NMS: variants seen among roughly 807,000 people sequenced by gnomAD.
The protein encoded by NMS is neuromedin-S.
In NMS, 30 loss-of-function variants were observed where a neutral mutation model predicts 32.2. That is an observed-to-expected ratio of 0.93 (90% CI 0.70 to 1.26). The LOEUF is 1.26. Among genes scored for constraint, NMS ranks in the 50% most tolerant of loss-of-function variants. The probability of loss-of-function intolerance (pLI) is 0.00; values close to 1 mark genes in which losing one functional copy is unlikely to be tolerated. For synonymous variants in NMS, 76 were observed against 58.5 expected (o/e 1.30, Z -1.37); for missense variants, 190 against 186.3 (o/e 1.02, Z -0.12).
intron 6 of NMS, among the ~76,000 whole-genome samples, chr2:100,479,662 G>A (rs1035114458): frequency 1.3e-5 from 2 of 152,190 alleles, no homozygotes; most frequent in Non-Finnish European, 2.9e-5. Context: ...CCATGGCCCA[G>A]CCTGCTTCCA....
chr2:100,471,496 T>C (rs1244180694), intron 1 of NMS, among the ~76,000 whole-genome samples: 2 of 152,186 alleles, frequency 1.3e-5, no homozygotes, highest in African/African-American at 4.8e-5. Context: ...TGACCCCAAC[T>C]CACTGCCAGC....
chr2:100,481,145 G>A lies in NMS; in HGVS notation c.392G>A (p.Gly131Glu). 1 of 1,614,124 alleles carries A rather than the reference G, an allele frequency of 6.2e-7. No individual in the cohort carries two copies. The highest frequency in any genetic ancestry group is 8.5e-7 in the Non-Finnish European group (1 of 1,180,004). The change falls in exon 8 of 10, where the codon GGA becomes GAA. Residue 131 changes from glycine to glutamate, a missense_variant. Coordinates refer to ENST00000376865, the MANE Select transcript of NMS (RefSeq NM_001011717.1). Reference sequence around the variant, plus strand: ...TTGCAGGATCACACTGCGACCTGGGGACGACCCTTTTTCCTTTTCAGGGTA... The same window carrying A: ...TTGCAGGATCACACTGCGACCTGGGAACGACCCTTTTTCCTTTTCAGGGTA... ...FTKKDHTATW[G>E]RPFFLFRPRN...
At chr2:100,483,087 C>G (rs1677250410) in intron 9 of NMS, among the ~76,000 whole-genome samples, 165 bp from the exon 10 acceptor site, 1 of 152,214 alleles carries the variant, frequency 6.6e-6, no homozygotes, top group South Asian at 2.1e-4. Context: ...AGACCAAAAA[C>G]AAATCTTGTA....
At chr2:100,477,532 T>A in intron 5 of NMS, 118 bp downstream of exon 5, 1 of 698,542 alleles carries the variant, frequency 1.4e-6, no homozygotes, top group Non-Finnish European at 2.4e-6. Flanking sequence ...ATCCTCTGGG[T>A]AGTAGCTTCC....
At position 100,479,424 on chromosome 2, in the gene NMS, G is replaced by A; in HGVS notation, c.333G>A (p.Gln111=). The change falls in exon 6 of 10, where the codon CAG becomes CAA. Residue 111 remains glutamine, a synonymous_variant. Transcript: ENST00000376865. ...ACAGGCGGATGAAGAGAATTCTGCA[G>A]CGAGTACGTGCTTTTATTCTTCCAC... is the stretch of plus-strand genomic sequence containing the variant. ...LANRRMKRIL[Q]RGSGTAAVDF... is the part of the protein sequence containing the mutation. The A allele has an allele frequency of 6.2e-7, 1 of 1,609,544 alleles. No homozygotes were observed. The highest frequency in any genetic ancestry group is 8.5e-7 in the Non-Finnish European group (1 of 1,177,816).
intron 1 of NMS, among the ~76,000 whole-genome samples, chr2:100,471,211 A>G: frequency 6.6e-6 from 1 of 152,226 alleles, no homozygotes; most frequent in East Asian, 1.9e-4. Flanking sequence ...CCATCTTCAT[A>G]GGATGCAGGG....
At chr2:100,473,600 C>T in intron 3 of NMS, 61 bp downstream of exon 3, 2 of 552,720 alleles carry the variant, frequency 3.6e-6, no homozygotes, top group Non-Finnish European at 5.4e-6. Context: ...CAAACACACT[C>T]TTTTGCTACC....
intron 2 of NMS, 106 bp downstream of exon 2, chr2:100,472,956 C>T: frequency 1.4e-6 from 1 of 713,798 alleles, no homozygotes; most frequent in Non-Finnish European, 2.3e-6. Flanking sequence ...TTTTTGGCTG[C>T]AGCAGAAACT....
chr2:100,471,240 C>T (rs1198059608), intron 1 of NMS, among the ~76,000 whole-genome samples: 2 of 152,166 alleles, frequency 1.3e-5, no homozygotes, highest in Non-Finnish European at 2.9e-5. Context: ...GGTGGCAGAA[C>T]AACTACGGTT....
intron 3 of NMS, among the ~76,000 whole-genome samples, chr2:100,474,584 T>A (rs944156593): frequency 5.9e-5 from 9 of 152,210 alleles, no homozygotes; most frequent in Non-Finnish European, 1.2e-4. Flanking sequence ...TTGTCATCTG[T>A]AGTATAGGGG....
intron 3 of NMS, among the ~76,000 whole-genome samples, chr2:100,475,104 C>A (rs1344990964): frequency 3.9e-5 from 6 of 152,174 alleles, no homozygotes; most frequent in Non-Finnish European, 7.3e-5. Flanking sequence ...GAATTTCCTT[C>A]CATCTTCTCC....
chr2:100,476,329 ATGT>A (rs1677109004), intron 3 of NMS, among the ~76,000 whole-genome samples: 1 of 152,296 alleles, frequency 6.6e-6, no homozygotes, highest in African/African-American at 2.4e-5. Context: ...ACTACTGGTA[ATGT>A]TGGTGGATTA....
chr2:100,477,664 T>C (rs979754455), intron 5 of NMS, among the ~76,000 whole-genome samples: 2 of 152,100 alleles, frequency 1.3e-5, no homozygotes, highest in African/African-American at 2.4e-5. Context: ...AAGTAGGAAA[T>C]AACCTCTTAT....
At chr2:100,473,611 T>G in intron 3 of NMS, 72 bp downstream of exon 3, 1 of 481,566 alleles carries the variant, frequency 2.1e-6, no homozygotes, top group Non-Finnish European at 3.2e-6. Context: ...TTTTGCTACC[T>G]ACAGGAGAAT....
At position 100,482,407 on chromosome 2, in the gene NMS, C is replaced by T. The variant is rs113607812; in HGVS notation, c.449+96C>T. On this transcript the variant is annotated intron_variant, in intron 9 of 9. Coordinates refer to ENST00000376865, the MANE Select transcript of NMS (RefSeq NM_001011717.1). ...GAGTGAGAGGCAGCCATGGGGAGGA[C>T]CATTGTTCAAGAAATGAGGACCCTT... 60 of 1,184,002 alleles carry T rather than the reference C, an allele frequency of 5.1e-5. No individual in the cohort carries two copies. The African/African-American group carries it at 6.5e-4, about 13-fold the overall frequency. 73.3% of individuals were successfully genotyped at this position (1,184,002 alleles called of 1,614,324 possible).
chr2:100,472,207 A>T (rs146600226), intron 1 of NMS, among the ~76,000 whole-genome samples: 1 of 152,178 alleles, frequency 6.6e-6, no homozygotes, highest in African/African-American at 2.4e-5. Context: ...TATCCAATTG[A>T]TTCTTTCGAC....
chr2:100,477,498 G>A, intron 5 of NMS, 84 bp downstream of exon 5: 2 of 1,030,310 alleles, frequency 1.9e-6, no homozygotes, highest in Non-Finnish European at 2.9e-6. Flanking sequence ...GTGCAGACAA[G>A]TAGAAAAGCT....
In NMS at chr2:100,481,173, G is replaced by C. The variant is rs1267071570; in HGVS notation, c.414+6G>C. ...GACCCTTTTTCCTTTTCAGGGTATA[G>C]CATGTTTTCTCACCTTTGCTTTCTA... On this transcript the variant is annotated splice_donor_region_variant and intron_variant, in intron 8 of 9. Coordinates refer to ENST00000376865, the MANE Select transcript of NMS (RefSeq NM_001011717.1). 6.2e-7 allele frequency: 1 copy of C among 1,614,000 alleles called. No homozygotes were observed. Among genetic ancestry groups the C allele is most frequent in the South Asian group, 1.1e-5 (1 of 91,082 alleles).
At chr2:100,479,543 C>T in intron 6 of NMS, 116 bp downstream of exon 6, 5 of 917,388 alleles carry the variant, frequency 5.5e-6, no homozygotes, top group Non-Finnish European at 8.2e-6. Flanking sequence ...TCTTAGTCTC[C>T]ACCTTGGCAG....
Sources: gnomAD v4.1 joint callset for allele counts (sites outside exome capture counted in the v4.1 genomes callset) on GRCh38, gnomAD v4.1.1 for gene constraint, MANE v1.5 for transcripts, NCBI Gene and HGNC (gene_info 2026-07-23, HGNC 2026-07-21) for gene names.